SIK3: variants seen among roughly 807,000 people sequenced by gnomAD.
SIK3 encodes the protein serine/threonine-protein kinase SIK3.
SIK3 carries 28 observed loss-of-function variants against 144.2 expected under a neutral mutation model. The observed-to-expected ratio is 0.19, with a 90% confidence interval of 0.14 to 0.27. The LOEUF is 0.27. Ranked by LOEUF, SIK3 falls within the 10% of genes least tolerant of loss-of-function variation. The pLI is 1.00. For synonymous variants in SIK3, 686 were observed against 676.3 expected (o/e 1.01, Z -0.22); for missense variants, 1,319 against 1,776.0 (o/e 0.74, Z 4.62).
At chr11:116,956,639 TAAATA>T (rs1220759841) in intron 2 of SIK3, among the ~76,000 whole-genome samples, 2 of 152,200 alleles carry the variant, frequency 1.3e-5, no homozygotes, top group East Asian at 1.9e-4. Context: ...AACTCTGAAC[TAAATA>T]AAATAAATTC....
At chr11:116,920,158 CTTT>C in intron 4 of SIK3, among the ~76,000 whole-genome samples, 1 of 141,998 alleles carries the variant, frequency 7.0e-6, no homozygotes, top group African/African-American at 2.6e-5. Context: ...GCTGCTCACC[CTTT>C]TTTTTTTTTT....
At chr11:116,895,325 G>C (rs1945339640) in intron 6 of SIK3, among the ~76,000 whole-genome samples, 1 of 152,124 alleles carries the variant, frequency 6.6e-6, no homozygotes, top group Non-Finnish European at 1.5e-5. Flanking sequence ...TTGCTGAAAG[G>C]TCCCTTTCTC....
At position 117,098,318 on chromosome 11, in the gene SIK3, C is replaced by T. The variant is rs1955577354; in HGVS notation, c.98G>A (p.Gly33Glu). ...AGRLLPPPAP[G>E]SPAAPAAVSP... The stretch of plus-strand genomic sequence containing the variant: ...CACGGCAGCGGGGGCGGCTGGGGAC[C>T]CCGGCGCGGGCGGAGGCAGCAGGCG... The change falls in exon 1 of 25, where the codon GGG becomes GAG. Residue 33 changes from glycine (G) to glutamate (E), a missense_variant. By Grantham distance (98) the Gly-to-Glu change is moderately conservative. Around this residue, in one of 8 missense-constraint regions of SIK3, gnomAD observed 114 missense variants for 116.2 expected, o/e 0.98. Transcript: ENST00000445177. The T allele has an allele frequency of 2.8e-5, 32 of 1,160,294 alleles. No individual in the cohort carries two copies. The highest frequency in any genetic ancestry group is 3.3e-5 in the Non-Finnish European group (31 of 945,304). The allele number at this position is 1,160,294 out of a possible 1,614,324, so 71.9% of individuals were successfully genotyped here.
intron 1 of SIK3, 107 bp downstream of exon 1, chr11:117,098,036 C>G (rs1955557977): frequency 8.7e-7 from 1 of 1,152,148 alleles, no homozygotes; most frequent in Non-Finnish European, 1.1e-6. Context: ...CGGCCCCCAA[C>G]GCTCCCACCA....
At chr11:117,035,810 C>T (rs1952472624) in intron 1 of SIK3, 3 of 1,484,304 alleles carry the variant, frequency 2.0e-6, no homozygotes, top group African/African-American at 1.4e-5. Context: ...GTGCTGCTTC[C>T]TCCTGAAGGA....
Position 117,095,063 on chromosome 11 carries a change from C to T in SIK3, c.273+3080G>A, listed in dbSNP as rs115001549. 5.2e-3 allele frequency among the ~76,000 whole-genome samples: 791 copies of T among 152,130 alleles called. 8 individuals carry two copies. Among genetic ancestry groups the T allele is most frequent in the African/African-American group, 0.018 (739 of 41,494 alleles). On this transcript the variant is annotated intron_variant, in intron 1 of 24. Transcript: ENST00000445177. The stretch of plus-strand genomic sequence containing the variant: ...ATTCATCCCAGGATCCCACTCTAGA[C>T]GGTTTGAGAGTTAACAGAATTTGGG...
At chr11:117,008,579 T>C (rs1008631784) in intron 1 of SIK3, among the ~76,000 whole-genome samples, 32 of 152,230 alleles carry the variant, frequency 2.1e-4, no homozygotes, top group African/African-American at 7.5e-4. Context: ...TATATTTGAT[T>C]AAAAGCTTTC....
At chr11:116,903,745 C>T (rs561948441) in intron 4 of SIK3, among the ~76,000 whole-genome samples, 1 of 152,162 alleles carries the variant, frequency 6.6e-6, no homozygotes, top group South Asian at 2.1e-4. Flanking sequence ...CCATGCCTAG[C>T]TATTTAAAAA....
intron 1 of SIK3, among the ~76,000 whole-genome samples, chr11:117,002,616 G>GA (rs140949182): frequency 0.026 from 3,834 of 148,622 alleles, 150 homozygotes; most frequent in East Asian, 0.2. Context: ...TCCATTACAA[G>GA]AAAAAAAAAC....
Position 116,846,304 on chromosome 11 carries a change from T to C in SIK3, c.*13+79A>G. On this transcript the variant is annotated intron_variant, in intron 24 of 24. Coordinates refer to ENST00000445177, the MANE Select transcript of SIK3 (RefSeq NM_001366686.3). The surrounding 1 kb of genome is among the most constrained non-coding windows in gnomAD (Gnocchi z 4.1). The stretch of plus-strand genomic sequence containing the variant: ...CGACTGCACTGGCCACCACAACACA[T>C]GGGCTGAAGCTCCTGATGGGATTGG... The C allele has an allele frequency of 1.4e-6, 2 of 1,471,364 alleles. No individual in the cohort carries two copies. The highest frequency in any genetic ancestry group is 1.9e-6 in the Non-Finnish European group (2 of 1,072,408). The allele number at this position is 1,471,364 out of a possible 1,614,324, so 91.1% of individuals were successfully genotyped here.
chr11:117,050,385 C>T lies in SIK3; in HGVS notation c.273+47758G>A, dbSNP rs549814495. ...ACTAATTTTGTAATTTCCTATGATTCTATAATTATTTCAAAATAAGCTGGG... is the reference window on the plus strand; with the variant it reads ...ACTAATTTTGTAATTTCCTATGATTTTATAATTATTTCAAAATAAGCTGGG... On this transcript the variant is annotated intron_variant, in intron 1 of 24. Coordinates refer to ENST00000445177, the MANE Select transcript of SIK3 (RefSeq NM_001366686.3). Among the ~76,000 whole-genome samples the T allele has an allele frequency of 3.3e-5, 5 of 152,084 alleles. No individual in the cohort carries two copies. The East Asian group carries it at 7.8e-4, about 24-fold the overall frequency.
chr11:117,021,763 G>A (rs540445889), intron 1 of SIK3, among the ~76,000 whole-genome samples: 1 of 151,580 alleles, frequency 6.6e-6, no homozygotes, highest in East Asian at 1.9e-4. Flanking sequence ...CTCGAGTCCT[G>A]TCTGGGCAAC....
intron 1 of SIK3, among the ~76,000 whole-genome samples, chr11:117,060,531 A>G (rs1227589132): frequency 3.3e-5 from 5 of 150,540 alleles, no homozygotes; most frequent in Non-Finnish European, 7.4e-5. Flanking sequence ...CGAGAGGCAG[A>G]GTTTGCAGTG....
chr11:116,876,864 T>A, intron 7 of SIK3, 60 bp downstream of exon 7: 1 of 1,380,592 alleles, frequency 7.2e-7, no homozygotes, highest in Non-Finnish European at 1.0e-6. Flanking sequence ...TACAATCACA[T>A]GCAAAGGAGG....
At position 116,877,179 on chromosome 11, in the gene SIK3, T is replaced by C. The variant is rs1944300320; in HGVS notation, c.866-137A>G. ...TTTGTCTCTCTTGCTCTTTGATCCT[T>C]ACCTATTCTGTTGCTTATGCCACCA... On this transcript the variant is annotated intron_variant, in intron 6 of 24. Transcript: ENST00000445177. The C allele has an allele frequency of 1.3e-5, 9 of 718,388 alleles. No individual in the cohort carries two copies. In the South Asian group the frequency reaches 1.5e-4, roughly 12 times the overall value. 44.5% of individuals were successfully genotyped at this position (718,388 alleles called of 1,614,324 possible). A position where few individuals can be genotyped will look rare whatever the true frequency, so the allele number is the denominator to read the frequency against.
chr11:116,850,298 C>T (rs953032927), intron 21 of SIK3, among the ~76,000 whole-genome samples: 7 of 152,190 alleles, frequency 4.6e-5, no homozygotes, highest in African/African-American at 9.7e-5. Context: ...ATCAGTGTCT[C>T]ATATTCCCCT....
At chr11:117,077,625 A>C (rs1375313285) in intron 1 of SIK3, among the ~76,000 whole-genome samples, 1 of 152,232 alleles carries the variant, frequency 6.6e-6, no homozygotes, top group Non-Finnish European at 1.5e-5. Context: ...CAAATCAACA[A>C]GAGATAATAT....
intron 6 of SIK3, among the ~76,000 whole-genome samples, chr11:116,895,214 C>G (rs1489276363): frequency 6.6e-6 from 1 of 152,154 alleles, no homozygotes; most frequent in African/African-American, 2.4e-5. Context: ...CCTTCACATG[C>G]AGCCATGCTC....
At chr11:116,935,278 T>A (rs1947854001) in intron 3 of SIK3, among the ~76,000 whole-genome samples, 2 of 151,234 alleles carry the variant, frequency 1.3e-5, no homozygotes, top group Admixed American at 1.3e-4. Flanking sequence ...TAAATTATTA[T>A]TAATTATATT....
Sources: allele counts gnomAD v4.1 joint callset (sites outside exome capture counted in the v4.1 genomes callset), GRCh38; gene constraint gnomAD v4.1.1; regional missense constraint gnomAD v4.1.1; non-coding constraint Gnocchi (gnomAD v3.1); transcripts MANE v1.5; gene names NCBI Gene and HGNC (gene_info 2026-07-23, HGNC 2026-07-21).